Variants in ABHD12B observed in about 807,000 individuals in gnomAD.
ABHD12B encodes the protein abhydrolase domain containing 12B.
A neutral mutation model predicts 50.4 loss-of-function variants in ABHD12B; 42 were observed. The observed-to-expected ratio is 0.83, with a 90% confidence interval of 0.65 to 1.08. The LOEUF is 1.08. Ranked by LOEUF, ABHD12B falls within the 50% of genes least tolerant of loss-of-function variation. The pLI is 0.00. For synonymous variants in ABHD12B, 167 were observed against 160.3 expected (o/e 1.04, Z -0.32); for missense variants, 479 against 447.7 (o/e 1.07, Z -0.63).
Position 50,888,828 on chromosome 14 carries a change from C to T in ABHD12B, c.705C>T (p.Cys235=). The change falls in exon 9 of 13, where the codon TGC becomes TGT. Residue 235 remains cysteine, a synonymous_variant. Coordinates refer to ENST00000337334, the MANE Select transcript of ABHD12B (RefSeq NM_001206673.2). ...CTTTCTTTCTTTCATTTCAAGGATG[C>T]CCAGTTGATGCTATTGTCTTGGAAG... is the stretch of plus-strand genomic sequence containing the variant. ...NAAKVLEEKG[C]PVDAIVLEAP... is the part of the protein sequence containing the mutation. 2 of 1,613,416 alleles carry T rather than the reference C, an allele frequency of 1.2e-6. No homozygotes were observed. The highest frequency in any genetic ancestry group is 8.5e-7 in the Non-Finnish European group (1 of 1,179,684).
In ABHD12B at chr14:50,896,578, T is replaced by A. The variant is rs962429794; in HGVS notation, c.781-5251T>A. On this transcript the variant is annotated intron_variant, in intron 9 of 12. Coordinates refer to ENST00000337334, the MANE Select transcript of ABHD12B (RefSeq NM_001206673.2). ...TTAACTGAGTGATTAACCCTGTGAATTTCCTTCTCCTGGCTCAGAAGCTGC... is the reference window on the plus strand; with the variant it reads ...TTAACTGAGTGATTAACCCTGTGAAATTCCTTCTCCTGGCTCAGAAGCTGC... 2.2e-5 allele frequency among the ~76,000 whole-genome samples: 3 copies of A among 139,098 alleles called. No individual in the cohort carries two copies. The Admixed American group carries it at 2.5e-4, about 11-fold the overall frequency. The allele number at this position is 139,098 out of a possible 152,430, so 91.3% of individuals were successfully genotyped here.
chr14:50,896,543 C>T (rs985094736), intron 9 of ABHD12B, among the ~76,000 whole-genome samples: 29 of 150,528 alleles, frequency 1.9e-4, no homozygotes, highest in South Asian at 1.3e-3. Context: ...TGATTTGTTC[C>T]TGCCCCACCT....
Position 50,885,897 on chromosome 14 carries a change from T to C in ABHD12B, c.662+2T>C. ...CTGGGGCCACTCTCTGGGTACAGGG[T>C]AAGTGAGATCTGCAAATGTGTCCTT... is the stretch of plus-strand genomic sequence containing the variant. On this transcript the variant is annotated splice_donor_variant, in intron 7 of 12. Transcript: ENST00000337334. LOFTEE classifies it high-confidence loss of function. 1 of 1,613,846 alleles carries C rather than the reference T, an allele frequency of 6.2e-7. No individual in the cohort carries two copies. The highest frequency in any genetic ancestry group is 1.3e-5 in the African/African-American group (1 of 74,984).
At position 50,904,653 on chromosome 14, in the gene ABHD12B, A is replaced by G. The variant is rs2050307773; in HGVS notation, c.*287A>G. 1 of 506,058 alleles carries G rather than the reference A, an allele frequency of 2.0e-6. No individual in the cohort carries two copies. The highest frequency in any genetic ancestry group is 2.4e-5 in the South Asian group (1 of 41,312). The allele number at this position is 506,058 out of a possible 1,614,324, so 31.3% of individuals were successfully genotyped here. A position where few individuals can be genotyped will look rare whatever the true frequency, so the allele number is the denominator to read the frequency against. On this transcript the variant is annotated 3_prime_UTR_variant, in exon 13 of 13. Coordinates refer to ENST00000337334, the MANE Select transcript of ABHD12B (RefSeq NM_001206673.2). ...ATCTAAAAATATGTAGTTATTAAAC[A>G]TTCTGTGGATATTTGTGAATAAGGT...
chr14:50,874,988 A>G (rs970296549), intron 1 of ABHD12B, among the ~76,000 whole-genome samples: 2 of 152,194 alleles, frequency 1.3e-5, no homozygotes, highest in African/African-American at 4.8e-5. Context: ...CTCTCTTTCT[A>G]TTTTCAACCT....
chr14:50,889,053 T>C, intron 9 of ABHD12B, 150 bp downstream of exon 9: 1 of 566,218 alleles, frequency 1.8e-6, no homozygotes, highest in Middle Eastern at 5.0e-4. Flanking sequence ...GACAGTTTAT[T>C]AACCAGTTAC....
intron 11 of ABHD12B, 113 bp from the exon 12 acceptor site, chr14:50,903,961 T>C: frequency 1.2e-6 from 1 of 832,794 alleles, no homozygotes; most frequent in Non-Finnish European, 2.0e-6. Flanking sequence ...GTCTCTGACT[T>C]AATGGAACAA....
chr14:50,895,521 C>G (rs869290909), intron 9 of ABHD12B: 10 of 151,992 alleles, frequency 6.6e-5, no homozygotes, highest in Non-Finnish European at 1.2e-4. Context: ...TCCCATCTCT[C>G]TGGGACCCCA....
At chr14:50,903,916 G>A (rs2050296863) in intron 11 of ABHD12B, 158 bp from the exon 12 acceptor site, 2 of 640,496 alleles carry the variant, frequency 3.1e-6, no homozygotes, top group Non-Finnish European at 5.6e-6. Context: ...ATCTTTAGCT[G>A]TAGAGACAGG....
intron 8 of ABHD12B, among the ~76,000 whole-genome samples, chr14:50,888,525 T>C (rs1396806054): frequency 6.6e-6 from 1 of 152,112 alleles, no homozygotes; most frequent in Non-Finnish European, 1.5e-5. Context: ...GTCCAAGCCA[T>C]GATGACCTGG....
At chr14:50,876,488 G>A (rs2049865344) in intron 1 of ABHD12B, among the ~76,000 whole-genome samples, 1 of 152,224 alleles carries the variant, frequency 6.6e-6, no homozygotes, top group African/African-American at 2.4e-5. Context: ...AAAGAAGAAA[G>A]GACGGGACCC....
intron 9 of ABHD12B, among the ~76,000 whole-genome samples, chr14:50,898,625 C>T (rs989546479): frequency 1.6e-4 from 24 of 152,114 alleles, no homozygotes; most frequent in African/African-American, 5.1e-4. Context: ...GTAGATTGAC[C>T]GGGGCTTGCT....
intron 8 of ABHD12B, 25 bp downstream of exon 8, chr14:50,886,709 T>C (rs766160091): frequency 1.3e-6 from 2 of 1,593,480 alleles, no homozygotes; most frequent in African/African-American, 1.3e-5. Flanking sequence ...TTAAGTGGTA[T>C]AATTTCCCAT....
rs775581616 is a variant in ABHD12B, at chr14:50,880,505, G to T, written c.389G>T (p.Trp130Leu). The change falls in exon 4 of 13, where the codon TGG becomes TTG. Residue 130 changes from tryptophan to leucine, a missense_variant. Coordinates refer to ENST00000337334, the MANE Select transcript of ABHD12B (RefSeq NM_001206673.2). ...GATGCCAAGGGGAAGGACTGTTGCTGGTATGAAGCAGCCCTTCGTGATGGG... is the reference window on the plus strand; with the variant it reads ...GATGCCAAGGGGAAGGACTGTTGCTTGTATGAAGCAGCCCTTCGTGATGGG... ...GEDAKGKDCC[W>L]YEAALRDGNP... The T allele has an allele frequency of 6.2e-7, 1 of 1,611,004 alleles. No homozygotes were observed. The highest frequency in any genetic ancestry group is 8.5e-7 in the Non-Finnish European group (1 of 1,178,406).
chr14:50,886,745 C>T, intron 8 of ABHD12B, 61 bp downstream of exon 8: 1 of 1,462,878 alleles, frequency 6.8e-7, no homozygotes, highest in Non-Finnish European at 9.5e-7. Context: ...TAAAAACAGT[C>T]AAGAGACTAT....
intron 5 of ABHD12B, among the ~76,000 whole-genome samples, chr14:50,882,973 C>CAAAAAAAA (rs10648046): frequency 1.8e-5 from 2 of 112,870 alleles, no homozygotes; most frequent in Non-Finnish European, 3.5e-5. Flanking sequence ...GACCCTGACT[C>CAAAAAAAA]AAAAAAAAAA....
chr14:50,890,195 C>T (rs1294706179), intron 9 of ABHD12B, among the ~76,000 whole-genome samples: 1 of 152,100 alleles, frequency 6.6e-6, no homozygotes, highest in Non-Finnish European at 1.5e-5. Flanking sequence ...CTAATAAATT[C>T]ATTAAATTGT....
rs569170912 is a variant in ABHD12B, at chr14:50,899,732, A to G, written c.781-2097A>G. Among the ~76,000 whole-genome samples the G allele has an allele frequency of 1.4e-3, 207 of 152,038 alleles. 1 individual carries two copies. The highest frequency in any genetic ancestry group is 2.4e-3 in the Non-Finnish European group (165 of 67,976). On this transcript the variant is annotated intron_variant, in intron 9 of 12. Transcript: ENST00000337334. ...TGAGGTCAGAGTTCGAGACCAGCCT[A>G]GCCAACATGGCGAAACACCATCTCT... is the stretch of plus-strand genomic sequence containing the variant.
At chr14:50,888,086 C>A (rs1274432663) in intron 8 of ABHD12B, among the ~76,000 whole-genome samples, 3 of 152,182 alleles carry the variant, frequency 2.0e-5, no homozygotes, top group Non-Finnish European at 4.4e-5. Flanking sequence ...CCAACCACAT[C>A]TTTTCTAATT....
Sources: allele counts gnomAD v4.1 joint callset (sites outside exome capture counted in the v4.1 genomes callset), GRCh38; gene constraint gnomAD v4.1.1; transcripts MANE v1.5; gene names NCBI Gene and HGNC (gene_info 2026-07-23, HGNC 2026-07-21).